Variants in RAD21L1 observed in about 807,000 individuals in gnomAD.
The protein encoded by RAD21L1 is double-strand-break repair protein rad21-like protein 1.
RAD21L1 carries 47 observed loss-of-function variants against 69.0 expected under a neutral mutation model. The observed-to-expected ratio is 0.68, with a 90% CI of 0.54 to 0.87. RAD21L1 has a LOEUF of 0.87. Among genes scored for constraint, RAD21L1 ranks in the 40% least tolerant of loss-of-function variants. RAD21L1 has a pLI of 0.00. For missense variants in RAD21L1, 583 were observed against 647.6 expected, an observed-to-expected ratio of 0.90 and a Z score of 1.08; for synonymous variants, 177 against 205.8, an observed-to-expected ratio of 0.86 and a Z score of 1.20.
At chr20:1,249,714 A>G (rs2087788232) in intron 13 of RAD21L1, among the ~76,000 whole-genome samples, 7 of 152,232 alleles carry the variant, frequency 4.6e-5, no homozygotes, top group Admixed American at 4.6e-4. Context: ...TTCTGTTACT[A>G]TAGAAGAAGA....
Position 1,246,034 on chromosome 20 carries a change from A to G in RAD21L1, c.1309-179A>G, listed in dbSNP as rs2087710315. Among the ~76,000 whole-genome samples the G allele has an allele frequency of 6.6e-6, 1 of 152,130 alleles. No individual in the cohort carries two copies. On this transcript the variant is annotated intron_variant, in intron 11 of 13. Coordinates refer to ENST00000683101, the MANE Select transcript of RAD21L1 (RefSeq NM_001384355.1). The surrounding 1 kb of genome is among the most constrained non-coding windows in gnomAD (Gnocchi z 4.6). The stretch of plus-strand genomic sequence containing the variant: ...TGGGAGGCATATGGAAAATTGTAAC[A>G]TTTAAGTCAAAGACTGCCTATCTGG...
intron 10 of RAD21L1, among the ~76,000 whole-genome samples, chr20:1,243,511 A>G (rs1297761984): frequency 6.6e-6 from 1 of 152,232 alleles, no homozygotes; most frequent in Non-Finnish European, 1.5e-5. Flanking sequence ...GAAAATCTTT[A>G]TATCTAGCAA....
intron 13 of RAD21L1, among the ~76,000 whole-genome samples, chr20:1,250,320 T>C (rs892012217): frequency 6.6e-6 from 1 of 151,848 alleles, no homozygotes; most frequent in African/African-American, 2.4e-5. Context: ...TTGTTACATA[T>C]GTATACATGT....
chr20:1,251,682 G>A (rs569236493), intron 13 of RAD21L1, among the ~76,000 whole-genome samples: 1 of 151,802 alleles, frequency 6.6e-6, no homozygotes, highest in South Asian at 2.1e-4. Flanking sequence ...CTTTGTATTT[G>A]TGTTTTTCTA....
At chr20:1,236,170 C>T (rs1265080660) in intron 5 of RAD21L1, among the ~76,000 whole-genome samples, 1 of 152,016 alleles carries the variant, frequency 6.6e-6, no homozygotes. Context: ...GATCTTTTTT[C>T]TATTTCCTTA....
At chr20:1,235,681 A>G (rs1006723663) in intron 5 of RAD21L1, among the ~76,000 whole-genome samples, 13 of 152,048 alleles carry the variant, frequency 8.5e-5, no homozygotes, top group African/African-American at 3.1e-4. Context: ...ATTGCAACAC[A>G]TTGGCAAAGA....
chr20:1,254,529 C>G lies in RAD21L1; in HGVS notation c.*72C>G, dbSNP rs182573751. On this transcript the variant is annotated 3_prime_UTR_variant, in exon 14 of 14. Transcript: ENST00000683101. The stretch of plus-strand genomic sequence containing the variant: ...TAGATTGTTCAATTTAATGCAGAAG[C>G]CATCTGGAAGCAGCTGAAGGTCTGA... 1 of 1,090,654 alleles carries G rather than the reference C, an allele frequency of 9.2e-7. No homozygotes were observed. The highest frequency in any genetic ancestry group is 1.2e-6 in the Non-Finnish European group (1 of 803,020). 67.6% of individuals were successfully genotyped at this position (1,090,654 alleles called of 1,614,324 possible). A position where few individuals can be genotyped will look rare whatever the true frequency, so the allele number is the denominator to read the frequency against.
rs899595139 is a variant in RAD21L1, at chr20:1,255,570, A to T, written c.*1113A>T. On this transcript the variant is annotated 3_prime_UTR_variant, in exon 14 of 14. Transcript: ENST00000683101. Reference sequence around the variant, plus strand: ...TAAATGGCAAAATTGCCTTTTTAAAATTTCTTTTATTTTTTAAATTAACAT... The same window carrying T: ...TAAATGGCAAAATTGCCTTTTTAAATTTTCTTTTATTTTTTAAATTAACAT... Among the ~76,000 whole-genome samples the T allele has an allele frequency of 2.6e-5, 4 of 152,198 alleles. No homozygotes were observed. Among genetic ancestry groups the T allele is most frequent in the African/African-American group, 4.8e-5 (2 of 41,442 alleles).
intron 13 of RAD21L1, 83 bp downstream of exon 13, chr20:1,248,786 A>T: frequency 1.3e-6 from 1 of 783,422 alleles, no homozygotes; most frequent in South Asian, 2.1e-5. Context: ...TATTAATGAA[A>T]ACGCAATAAT....
At chr20:1,240,942 A>G (rs1198063040) in intron 8 of RAD21L1, among the ~76,000 whole-genome samples, 2 of 152,160 alleles carry the variant, frequency 1.3e-5, no homozygotes, top group Admixed American at 1.3e-4. Context: ...ACACCACCAG[A>G]GGTGTAACAC....
At chr20:1,245,339 G>T (rs2087696916) in intron 11 of RAD21L1, among the ~76,000 whole-genome samples, 1 of 152,028 alleles carries the variant, frequency 6.6e-6, no homozygotes, top group South Asian at 2.1e-4. Flanking sequence ...TCATAAAACA[G>T]AATTTTTATA....
At chr20:1,227,600 T>A (rs963951670) in intron 1 of RAD21L1, among the ~76,000 whole-genome samples, 4 of 152,248 alleles carry the variant, frequency 2.6e-5, no homozygotes, top group African/African-American at 9.6e-5. Context: ...AATAATTTGA[T>A]TCTTCCCTAG....
intron 1 of RAD21L1, among the ~76,000 whole-genome samples, chr20:1,227,386 C>T (rs1568513042): frequency 6.6e-6 from 1 of 152,204 alleles, no homozygotes; most frequent in Admixed American, 6.5e-5. Flanking sequence ...CATGGTTTGG[C>T]GGATTGCGTC....
chr20:1,244,304 G>A (rs564440515), intron 11 of RAD21L1, 134 bp downstream of exon 11: 7 of 641,056 alleles, frequency 1.1e-5, no homozygotes, highest in Non-Finnish European at 1.7e-5. Context: ...AATTTGTTTA[G>A]TAAGTAGCAG....
Position 1,254,550 on chromosome 20 carries a change from T to A in RAD21L1, c.*93T>A, listed in dbSNP as rs1275707448. The A allele has an allele frequency of 6.7e-5, 55 of 825,154 alleles. No individual in the cohort carries two copies. Among genetic ancestry groups the A allele is most frequent in the Admixed American group, 2.1e-4 (6 of 29,054 alleles). 51.1% of individuals were successfully genotyped at this position (825,154 alleles called of 1,614,324 possible). A position where few individuals can be genotyped will look rare whatever the true frequency, so the allele number is the denominator to read the frequency against. On this transcript the variant is annotated 3_prime_UTR_variant, in exon 14 of 14. Coordinates refer to ENST00000683101, the MANE Select transcript of RAD21L1 (RefSeq NM_001384355.1). Reference sequence around the variant, plus strand: ...GAAGCCATCTGGAAGCAGCTGAAGGTCTGATCCATTTCATAGATAGGCTGA... The same window carrying A: ...GAAGCCATCTGGAAGCAGCTGAAGGACTGATCCATTTCATAGATAGGCTGA...
In RAD21L1 at chr20:1,255,599, G is replaced by GA. The variant is rs1306291508; in HGVS notation, c.*1146dup. ...CTTTTATTTTTTAAATTAACATACA[G>GA]AAAATTTGACTTCTTAATTTTGGTG... On this transcript the variant is annotated 3_prime_UTR_variant, in exon 14 of 14. Coordinates refer to ENST00000683101, the MANE Select transcript of RAD21L1 (RefSeq NM_001384355.1). Among the ~76,000 whole-genome samples the GA allele has an allele frequency of 2.0e-5, 3 of 152,046 alleles. No homozygotes were observed. Among genetic ancestry groups the GA allele is most frequent in the Non-Finnish European group, 2.9e-5 (2 of 67,994 alleles).
intron 7 of RAD21L1, among the ~76,000 whole-genome samples, chr20:1,239,668 T>C (rs2087567411): frequency 6.6e-6 from 1 of 152,190 alleles, no homozygotes; most frequent in Non-Finnish European, 1.5e-5. Context: ...AAATAGTATA[T>C]GGTAAATGGT....
rs1321582595 is a variant in RAD21L1 at position 1,254,400 on chromosome 20, G to A, written c.1611G>A (p.Gln537=). Residue 537 remains glutamine (Q), a synonymous_variant, in exon 14 of 14, where the codon CAG becomes CAA. Coordinates refer to ENST00000683101, the MANE Select transcript of RAD21L1 (RefSeq NM_001384355.1). ...AACAGCTGGCTATTGAGCTGAGCCA[G>A]AGTGCTCCCTATGCAGATATTATAG... The part of the protein sequence containing the change: ...LKKQLAIELS[Q]SAPYADIIAT... The A allele has an allele frequency of 2.6e-6, 4 of 1,551,146 alleles. No homozygotes were observed. In the Admixed American group the frequency reaches 7.9e-5, roughly 30 times the overall value.
In RAD21L1 at chr20:1,244,058, T is replaced by C. The variant is rs1322955156; in HGVS notation, c.1196T>C (p.Met399Thr). Residue 399 changes from methionine (M) to threonine (T), a missense_variant, in exon 11 of 14, where the codon ATG becomes ACG. Physicochemically the swap from Met to Thr is moderately conservative, Grantham distance 81 (BLOSUM62 -1). Transcript: ENST00000683101. ...CTTGATAATTCAGAGACATCCATGA[T>C]GCAAGAGCCAAATTACCAGCAAGAG... Reference protein sequence around the residue: ...GNQNIVETSMMQEPNYQQELS... With the variant: ...GNQNIVETSMTQEPNYQQELS... 3 of 1,550,004 alleles carry C rather than the reference T, an allele frequency of 1.9e-6. No homozygotes were observed. Among genetic ancestry groups the C allele is most frequent in the East Asian group, 2.4e-5 (1 of 40,888 alleles).
Sources: gnomAD v4.1 joint callset for allele counts (sites outside exome capture counted in the v4.1 genomes callset) on GRCh38, gnomAD v4.1.1 for gene constraint, Gnocchi (gnomAD v3.1) non-coding constraint, MANE v1.5 for transcripts, NCBI Gene and HGNC (gene_info 2026-07-23, HGNC 2026-07-21) for gene names.